The following MED16 variants were observed in gnomAD, a reference collection of about 807,000 sequenced individuals.
MED16 encodes mediator of RNA polymerase II transcription subunit 16.
MED16 carries 81 observed loss-of-function variants against 84.4 expected under a neutral mutation model. That is an observed-to-expected ratio of 0.96 (90% CI 0.80 to 1.15). MED16 has a LOEUF of 1.15. MED16 is among the 50% of genes most tolerant of loss of function. The probability of loss-of-function intolerance (pLI) is 0.00; values close to 1 mark genes in which losing one functional copy is unlikely to be tolerated. For synonymous variants in MED16, 897 were observed against 552.2 expected (o/e 1.62, Z -8.76); for missense variants, 1,585 against 1,245.9 (o/e 1.27, Z -4.10).
Position 880,001 on chromosome 19 carries a change from T to G in MED16, c.1289A>C (p.His430Pro), listed in dbSNP as rs761446668. Residue 430 changes from histidine (H) to proline (P), a missense_variant, in exon 8 of 16, where the codon CAC becomes CCC. Transcript: ENST00000325464. ...CCACGATAGCTGCATAGCCTTTAAG[T>G]GGACGGCGGGGCCCGCGGTGCGGGG... The part of the protein sequence containing the change: ...KRPRTAGPAV[H>P]LKAMQLSWTS... 1 of 1,609,928 alleles carries G rather than the reference T, an allele frequency of 6.2e-7. No individual in the cohort carries two copies. Among genetic ancestry groups the G allele is most frequent in the South Asian group, 1.1e-5 (1 of 90,744 alleles).
Position 868,200 on chromosome 19 carries a change from C to T in MED16, c.2535G>A (p.Glu845=), listed in dbSNP as rs766304420. ...CCAGCTGGACAAAGGCAGGGGCTTCCTCAGAAGCTCTGCTGGTCACGCAGG... is the reference window on the plus strand; with the variant it reads ...CCAGCTGGACAAAGGCAGGGGCTTCTTCAGAAGCTCTGCTGGTCACGCAGG... ...PDACVTSRAS[E]EAPAFVQLGP... The change falls in exon 16 of 16, where the codon GAG becomes GAA. Residue 845 remains glutamate, a synonymous_variant. Coordinates refer to ENST00000325464, the MANE Select transcript of MED16 (RefSeq NM_005481.3). 8.7e-6 allele frequency: 14 copies of T among 1,605,618 alleles called. No individual in the cohort carries two copies. In the Admixed American group the frequency reaches 2.2e-4, roughly 25 times the overall value.
At chr19:874,917 C>T (rs1384901683) in intron 10 of MED16, among the ~76,000 whole-genome samples, 3 of 152,236 alleles carry the variant, frequency 2.0e-5, no homozygotes, top group Admixed American at 6.5e-5. Context: ...TATCCCAGCA[C>T]TTTAGGAGGC....
chr19:870,606 T>C (rs1402458373), intron 13 of MED16, among the ~76,000 whole-genome samples: 3 of 146,680 alleles, frequency 2.0e-5, no homozygotes, highest in Admixed American at 6.8e-5. Flanking sequence ...ATGGAAGGGC[T>C]GGGTGCCCGT....
At chr19:879,316 G>C (rs370567757) in intron 8 of MED16, among the ~76,000 whole-genome samples, 190 of 38,922 alleles carry the variant, frequency 4.9e-3, no homozygotes, top group Middle Eastern at 0.021. Context: ...TGCCCACCAA[G>C]CCCAGCCCCA....
intron 7 of MED16, among the ~76,000 whole-genome samples, chr19:881,159 T>A (rs2036413744): frequency 6.6e-6 from 1 of 151,972 alleles, no homozygotes. Context: ...GCAAATAGGG[T>A]AGGCACTGAA....
rs748356481 is a variant in MED16, at chr19:871,067, G to C, written c.2285C>G (p.Ala762Gly). The C allele has an allele frequency of 1.3e-6, 2 of 1,545,622 alleles. No homozygotes were observed. The highest frequency in any genetic ancestry group is 2.4e-5 in the South Asian group (2 of 83,920). The change falls in exon 13 of 16, where the codon GCT becomes GGT. Residue 762 changes from alanine to glycine, a missense_variant. Coordinates refer to ENST00000325464, the MANE Select transcript of MED16 (RefSeq NM_005481.3). ...GAGGCCGTCGAGCTGCAGGGTGGCAGCACTGCCAGGCAGCGTGGGCGCCCG... is the reference window on the plus strand; with the variant it reads ...GAGGCCGTCGAGCTGCAGGGTGGCACCACTGCCAGGCAGCGTGGGCGCCCG... ...FGRAPTLPGS[A>G]ATLQLDGLAR...
At chr19:875,932 G>A (rs2036219434) in intron 9 of MED16, among the ~76,000 whole-genome samples, 1 of 152,158 alleles carries the variant, frequency 6.6e-6, no homozygotes, top group African/African-American at 2.4e-5. Flanking sequence ...TGCAACGTAG[G>A]ACACCCCATC....
At chr19:869,616 C>T (rs887772878) in intron 13 of MED16, among the ~76,000 whole-genome samples, 13 of 152,156 alleles carry the variant, frequency 8.5e-5, no homozygotes, top group Admixed American at 3.3e-4. Context: ...TGCTGGAGGT[C>T]CTAGAGCCAA....
At chr19:871,452 T>C (rs1286358020) in intron 12 of MED16, among the ~76,000 whole-genome samples, 199 bp from the exon 13 acceptor site, 1 of 152,040 alleles carries the variant, frequency 6.6e-6, no homozygotes. Flanking sequence ...CCCAGAGTTC[T>C]CTCCCCGTCT....
At chr19:887,246 C>CTGG (rs35446283) in intron 4 of MED16, among the ~76,000 whole-genome samples, 1,976 of 152,218 alleles carry the variant, frequency 0.013, 47 homozygotes, top group African/African-American at 0.045. Flanking sequence ...CAAGCCAGGC[C>CTGG]TGGTGGTGAG....
chr19:879,784 G>A (rs28458775), intron 8 of MED16, among the ~76,000 whole-genome samples, 153 bp downstream of exon 8: 1,176 of 122,522 alleles, frequency 9.6e-3, no homozygotes, highest in Admixed American at 0.012. Flanking sequence ...ACGTGCCCCA[G>A]CAGCTCGCCT....
At position 885,871 on chromosome 19, in the gene MED16, G is replaced by C. The variant is rs752000848; in HGVS notation, c.778C>G (p.Leu260Val). The C allele has an allele frequency of 1.9e-6, 3 of 1,613,788 alleles. No individual in the cohort carries two copies. Among genetic ancestry groups the C allele is most frequent in the Non-Finnish European group, 2.5e-6 (3 of 1,179,952 alleles). The change falls in exon 5 of 16, where the codon CTG becomes GTG. Residue 260 changes from leucine to valine, a missense_variant. Leu to Val is a conservative substitution (Grantham distance 32). Coordinates refer to ENST00000325464, the MANE Select transcript of MED16 (RefSeq NM_005481.3). ...SEKCRIDTEI[L>V]PSLFMRCTTD... ...GTGCAGCGCATGAACAGGGAGGGCA[G>C]GATCTCCGTGTCGATACGGCACTTC...
At chr19:886,398 A>C (rs2036528896) in intron 4 of MED16, among the ~76,000 whole-genome samples, 197 bp from the exon 5 acceptor site, 1 of 152,246 alleles carries the variant, frequency 6.6e-6, no homozygotes, top group South Asian at 2.1e-4. Context: ...GTAAGGTGGA[A>C]GGAACGGCAC....
chr19:882,353 A>G (rs1251036950), intron 6 of MED16, among the ~76,000 whole-genome samples: 3 of 151,926 alleles, frequency 2.0e-5, no homozygotes, highest in Non-Finnish European at 4.4e-5. Flanking sequence ...TACAAAAAAA[A>G]CACAGTAAAC....
At position 867,996 on chromosome 19, in the gene MED16, C is replaced by T; in HGVS notation, c.*105G>A. On this transcript the variant is annotated 3_prime_UTR_variant, in exon 16 of 16. Coordinates refer to ENST00000325464, the MANE Select transcript of MED16 (RefSeq NM_005481.3). The stretch of plus-strand genomic sequence containing the variant: ...GAGGGCGTTTATTGGACCTGTCCTT[C>T]CCAGCCGCTGCTTGTCCAGGTTCAG... The T allele has an allele frequency of 7.0e-7, 1 of 1,430,894 alleles. No homozygotes were observed. The highest frequency in any genetic ancestry group is 1.4e-5 in the African/African-American group (1 of 70,170). The allele number at this position is 1,430,894 out of a possible 1,614,324, so 88.6% of individuals were successfully genotyped here. A position where few individuals can be genotyped will look rare whatever the true frequency, so the allele number is the denominator to read the frequency against.
chr19:875,141 G>A (rs914111635), intron 10 of MED16, 103 bp downstream of exon 10: 9 of 779,516 alleles, frequency 1.2e-5, no homozygotes, highest in African/African-American at 1.8e-5. Flanking sequence ...TCCAGCCTGG[G>A]CAACAGAGTA....
In MED16 at chr19:872,493, CA is replaced by C. The variant is rs1288532876; in HGVS notation, c.1906-376del. Among the ~76,000 whole-genome samples, 10 of 152,132 alleles carry C rather than the reference CA, an allele frequency of 6.6e-5. No homozygotes were observed. The East Asian group carries it at 1.4e-3, about 21-fold the overall frequency. ...TGAGAGGACCAGGGAAGGGAGGCCCCAGGGGTGGCCCCTGGCAGCCTAAAGC... is the reference window on the plus strand; with the variant it reads ...TGAGAGGACCAGGGAAGGGAGGCCCCGGGGTGGCCCCTGGCAGCCTAAAGC... On this transcript the variant is annotated intron_variant, in intron 11 of 15. Coordinates refer to ENST00000325464, the MANE Select transcript of MED16 (RefSeq NM_005481.3).
intron 9 of MED16, among the ~76,000 whole-genome samples, chr19:876,684 G>A (rs2036238991): frequency 6.6e-6 from 1 of 152,018 alleles, no homozygotes; most frequent in East Asian, 1.9e-4. Flanking sequence ...CTGCCATAGA[G>A]CCCCCAACCT....
Position 877,054 on chromosome 19 carries a change from G to GTCCCAC in MED16, c.1479_1480insGTGGGA (p.Leu493_His494insValGly), listed in dbSNP as rs757020424. The GTCCCAC allele has an allele frequency of 5.8e-5, 94 of 1,612,606 alleles. No individual in the cohort carries two copies. The highest frequency in any genetic ancestry group is 1.7e-6 in the Non-Finnish European group (2 of 1,179,922). ...CTCTGTACCATACTGGGCTGCACGT[G>GTCCCAC]CAGCAGGATGTCCCACCAGTCGTAG... On this transcript the variant is annotated inframe_insertion, in exon 9 of 16. Coordinates refer to ENST00000325464, the MANE Select transcript of MED16 (RefSeq NM_005481.3).
Sources: allele counts gnomAD v4.1 joint callset (sites outside exome capture counted in the v4.1 genomes callset), GRCh38; gene constraint gnomAD v4.1.1; transcripts MANE v1.5; gene names NCBI Gene and HGNC (gene_info 2026-07-23, HGNC 2026-07-21).